NOPCHAP1: variants seen among roughly 807,000 people sequenced by gnomAD.
NOPCHAP1 encodes the protein DNA damage-sensitive RNA 1.
Under a neutral mutation model 14.0 loss-of-function variants are expected in NOPCHAP1, and 13 were observed. The ratio of observed to expected loss-of-function variants is 0.93; its 90% CI spans 0.60 to 1.47. NOPCHAP1 has a LOEUF of 1.47. NOPCHAP1 is among the 40% of genes most tolerant of loss of function. The probability of loss-of-function intolerance (pLI) is 0.00; values close to 1 mark genes in which losing one functional copy is unlikely to be tolerated. For synonymous variants in NOPCHAP1, 78 were observed against 78.4 expected, an observed-to-expected ratio of 1.00 and a Z score of 0.03; for missense variants, 230 against 226.9, an observed-to-expected ratio of 1.01 and a Z score of -0.09.
In NOPCHAP1 at chr12:104,991,764, G is replaced by T. The variant is rs373230527; in HGVS notation, c.255G>T (p.Lys85Asn). ...FLPQMARANE[K>N]LRKEMAAAPP... is the part of the protein sequence containing the mutation. ...CACAGATGGCACGGGCAAATGAAAA[G>T]CTAAGAAAAGAAATGGCAGCTGCAC... Residue 85 changes from lysine to asparagine, a missense_variant, in exon 3 of 4, where the codon AAG (lysine) becomes AAT (asparagine). Lys to Asn is a moderately conservative substitution (Grantham distance 94). Transcript: ENST00000552951. 1 of 1,613,816 alleles carries T rather than the reference G, an allele frequency of 6.2e-7. No individual in the cohort carries two copies. Among genetic ancestry groups the T allele is most frequent in the South Asian group, 1.1e-5 (1 of 91,024 alleles).
At position 104,997,495 on chromosome 12, in the gene NOPCHAP1, AAAAT is replaced by A. The variant is rs879485918; in HGVS notation, c.*2811_*2814del. On this transcript the variant is annotated 3_prime_UTR_variant, in exon 4 of 4. Transcript: ENST00000552951. ...CCCTAAAACTTAAAGTATAATAATA[AAAAT>A]AAATAAATAAAGAATGCTGAATATA... The A allele has an allele frequency of 1.3e-5, 2 of 152,240 alleles. No homozygotes were observed. Among genetic ancestry groups the A allele is most frequent in the Non-Finnish European group, 2.9e-5 (2 of 68,056 alleles). The allele number at this position is 152,240 out of a possible 1,614,324, so 9.4% of individuals were successfully genotyped here.
chr12:104,996,491 T>C lies in NOPCHAP1; in HGVS notation c.*1795T>C, dbSNP rs1479790925. ...ACCTGGTGATAAGCATAGTGCCCAA[T>C]AGGTAGTTTTAAATCTGCACCCTCC... is the stretch of plus-strand genomic sequence containing the variant. On this transcript the variant is annotated 3_prime_UTR_variant, in exon 4 of 4. Coordinates refer to ENST00000552951, the MANE Select transcript of NOPCHAP1 (RefSeq NM_152318.3). 6.6e-6 allele frequency: 1 copy of C among 151,948 alleles called. No homozygotes were observed. Among genetic ancestry groups the C allele is most frequent in the East Asian group, 1.9e-4 (1 of 5,188 alleles). The allele number at this position is 151,948 out of a possible 1,614,324, so 9.4% of individuals were successfully genotyped here. A position where few individuals can be genotyped will look rare whatever the true frequency, so the allele number is the denominator to read the frequency against.
chr12:104,992,594 G>T (rs979097458), intron 3 of NOPCHAP1, among the ~76,000 whole-genome samples: 8 of 152,134 alleles, frequency 5.3e-5, no homozygotes, highest in Non-Finnish European at 1.0e-4. Flanking sequence ...TATCTCAGAG[G>T]TTCCCAACCC....
chr12:104,991,902 G>C, intron 3 of NOPCHAP1, 54 bp downstream of exon 3: 1 of 1,530,370 alleles, frequency 6.5e-7, no homozygotes, highest in African/African-American at 1.4e-5. Flanking sequence ...TGTCACCTAA[G>C]AAGAAGAGAA....
chr12:104,986,453 G>T lies in NOPCHAP1; in HGVS notation c.101G>T (p.Ser34Ile). Residue 34 changes from serine to isoleucine, a missense_variant, in exon 1 of 4, where the codon AGC becomes ATC. Physicochemically the swap from Ser to Ile is moderately radical, Grantham distance 142. Coordinates refer to ENST00000552951, the MANE Select transcript of NOPCHAP1 (RefSeq NM_152318.3). ...PVSKELLTAG[S>I]DGRGGIWDRL... ...TCCAAGGAGCTGCTGACGGCGGGAA[G>T]CGACGGCCGCGGAGGTGACGGACGG... The T allele has an allele frequency of 6.2e-7, 1 of 1,603,732 alleles. No individual in the cohort carries two copies. The highest frequency in any genetic ancestry group is 1.3e-5 in the African/African-American group (1 of 74,754).
Position 104,988,258 on chromosome 12 carries a change from G to C in NOPCHAP1, c.202+5G>C, listed in dbSNP as rs2136024999. ...TTCGGATAGAGAGGAGTCCCTGTAAGTACCTCTTCCCCTCTCTCACCCTCT... is the reference window on the plus strand; with the variant it reads ...TTCGGATAGAGAGGAGTCCCTGTAACTACCTCTTCCCCTCTCTCACCCTCT... On this transcript the variant is annotated splice_donor_5th_base_variant and intron_variant, in intron 2 of 3. Transcript: ENST00000552951. 6.3e-7 allele frequency: 1 copy of C among 1,599,184 alleles called. No individual in the cohort carries two copies. Among genetic ancestry groups the C allele is most frequent in the Non-Finnish European group, 8.6e-7 (1 of 1,167,738 alleles).
In NOPCHAP1 at chr12:105,007,618, T is replaced by G. The variant is rs1873733160; in HGVS notation, c.*12922T>G. ...GTTTGCTGCCGCCATCAACTTGTCG[T>G]CTACATTAGGTATTCCTCCTAATAC... On this transcript the variant is annotated 3_prime_UTR_variant, in exon 4 of 4. Transcript: ENST00000552951. 6.6e-6 allele frequency: 1 copy of G among 152,184 alleles called. No individual in the cohort carries two copies. Among genetic ancestry groups the G allele is most frequent in the African/African-American group, 2.4e-5 (1 of 41,450 alleles). The allele number at this position is 152,184 out of a possible 1,614,324, so 9.4% of individuals were successfully genotyped here.
rs549921928 is a variant in NOPCHAP1, at chr12:104,991,779, G to T, written c.270G>T (p.Met90Ile). 9 of 1,613,660 alleles carry T rather than the reference G, an allele frequency of 5.6e-6. No individual in the cohort carries two copies. The highest frequency in any genetic ancestry group is 5.3e-5 in the African/African-American group (4 of 74,994). The change falls in exon 3 of 4, where the codon ATG (methionine) becomes ATT (isoleucine). Residue 90 changes from methionine to isoleucine, a missense_variant. Coordinates refer to ENST00000552951, the MANE Select transcript of NOPCHAP1 (RefSeq NM_152318.3). ...CAAATGAAAAGCTAAGAAAAGAAAT[G>T]GCAGCTGCACCACCTGGTCGTTTCA... ...ARANEKLRKE[M>I]AAAPPGRFNI...
In NOPCHAP1 at chr12:105,013,717, C is replaced by T. The variant is rs968200937; in HGVS notation, c.*19021C>T. On this transcript the variant is annotated 3_prime_UTR_variant, in exon 4 of 4. Transcript: ENST00000552951. The stretch of plus-strand genomic sequence containing the variant: ...CTCACGGCACAGTATCTCATGGCTT[C>T]CCTTGGCTAGGGGAGGGAGTTCCCT... 1.3e-5 allele frequency: 2 copies of T among 152,414 alleles called. No homozygotes were observed. The highest frequency in any genetic ancestry group is 2.9e-5 in the Non-Finnish European group (2 of 68,276). The allele number at this position is 152,414 out of a possible 1,614,324, so 9.4% of individuals were successfully genotyped here. A position where few individuals can be genotyped will look rare whatever the true frequency, so the allele number is the denominator to read the frequency against.
At position 105,012,208 on chromosome 12, in the gene NOPCHAP1, C is replaced by CT. The variant is rs1361139732; in HGVS notation, c.*17513dup. ...TCCTTTTCATTCTTTTTTCTCTAAT[C>CT]TGTCTTCACGCTTTATTTCATTAAG... On this transcript the variant is annotated 3_prime_UTR_variant, in exon 4 of 4. Transcript: ENST00000552951. The CT allele has an allele frequency of 6.6e-6, 1 of 152,242 alleles. No individual in the cohort carries two copies. Among genetic ancestry groups the CT allele is most frequent in the East Asian group, 1.9e-4 (1 of 5,184 alleles). The allele number at this position is 152,242 out of a possible 1,614,324, so 9.4% of individuals were successfully genotyped here.
At position 104,994,844 on chromosome 12, in the gene NOPCHAP1, C is replaced by A. The variant is rs1873465388; in HGVS notation, c.*148C>A. 2.8e-6 allele frequency: 2 copies of A among 705,184 alleles called. No homozygotes were observed. Among genetic ancestry groups the A allele is most frequent in the Non-Finnish European group, 4.7e-6 (2 of 421,466 alleles). 43.7% of individuals were successfully genotyped at this position (705,184 alleles called of 1,614,324 possible). A position where few individuals can be genotyped will look rare whatever the true frequency, so the allele number is the denominator to read the frequency against. Reference sequence around the variant, plus strand: ...AGACAAGTTAAATTTGACAGAGTTTCTTTGGGCAAAGAATGATTAATGAGT... The same window carrying A: ...AGACAAGTTAAATTTGACAGAGTTTATTTGGGCAAAGAATGATTAATGAGT... On this transcript the variant is annotated 3_prime_UTR_variant, in exon 4 of 4. Coordinates refer to ENST00000552951, the MANE Select transcript of NOPCHAP1 (RefSeq NM_152318.3).
At position 104,986,383 on chromosome 12, in the gene NOPCHAP1, C is replaced by T. The variant is rs777900503; in HGVS notation, c.31C>T (p.Pro11Ser). ...GGTCCATGGCAAGCCCAAGGCTAGC[C>T]CGAGTTGTTCGTCGCCCACCCGGGA... MEVHGKPKASPSCSSPTRDSS... is the reference protein window; with the variant it reads MEVHGKPKASSSCSSPTRDSS... Residue 11 changes from proline to serine, a missense_variant, in exon 1 of 4, where the codon CCG (proline) becomes TCG (serine). Physicochemically the swap from Pro to Ser is moderately conservative, Grantham distance 74. Coordinates refer to ENST00000552951, the MANE Select transcript of NOPCHAP1 (RefSeq NM_152318.3). The T allele has an allele frequency of 1.9e-6, 3 of 1,611,342 alleles. No homozygotes were observed. The highest frequency in any genetic ancestry group is 2.5e-6 in the Non-Finnish European group (3 of 1,179,010).
chr12:105,011,897 A>G lies in NOPCHAP1; in HGVS notation c.*17201A>G, dbSNP rs981975512. Reference sequence around the variant, plus strand: ...TGGGCTTCCCTTTTTGGGTAATTCAACCTTTCTCTCTGGCTGCCCTTAACA... The same window carrying G: ...TGGGCTTCCCTTTTTGGGTAATTCAGCCTTTCTCTCTGGCTGCCCTTAACA... On this transcript the variant is annotated 3_prime_UTR_variant, in exon 4 of 4. Transcript: ENST00000552951. The G allele has an allele frequency of 2.6e-5, 4 of 151,874 alleles. No homozygotes were observed. Among genetic ancestry groups the G allele is most frequent in the Non-Finnish European group, 5.9e-5 (4 of 67,954 alleles). 9.4% of individuals were successfully genotyped at this position (151,874 alleles called of 1,614,324 possible).
rs1464207908 is a variant in NOPCHAP1 at position 104,996,851 on chromosome 12, CTTCT to C, written c.*2158_*2161del. ...AAGCCCTTTATCATTATGTAATGCC[CTTCT>C]TTGTCTTTTTTTATTTTTGTAAAAG... is the stretch of plus-strand genomic sequence containing the variant. On this transcript the variant is annotated 3_prime_UTR_variant, in exon 4 of 4. Coordinates refer to ENST00000552951, the MANE Select transcript of NOPCHAP1 (RefSeq NM_152318.3). 3 of 152,074 alleles carry C rather than the reference CTTCT, an allele frequency of 2.0e-5. No individual in the cohort carries two copies. The highest frequency in any genetic ancestry group is 6.5e-5 in the Admixed American group (1 of 15,274). The allele number at this position is 152,074 out of a possible 1,614,324, so 9.4% of individuals were successfully genotyped here.
In NOPCHAP1 at chr12:104,994,906, T is replaced by C. The variant is rs1873466315; in HGVS notation, c.*210T>C. 1 of 531,318 alleles carries C rather than the reference T, an allele frequency of 1.9e-6. No homozygotes were observed. Among genetic ancestry groups the C allele is most frequent in the Non-Finnish European group, 3.3e-6 (1 of 299,896 alleles). The allele number at this position is 531,318 out of a possible 1,614,324, so 32.9% of individuals were successfully genotyped here. ...GTAAACTGAAAGGGGTTCAGAGACC[T>C]CCGCTCTACAGCAAGGAAAGTGTGC... is the stretch of plus-strand genomic sequence containing the variant. On this transcript the variant is annotated 3_prime_UTR_variant, in exon 4 of 4. Transcript: ENST00000552951.
rs1222074171 is a variant in NOPCHAP1 at position 105,012,700 on chromosome 12, A to C, written c.*18004A>C. 6.6e-6 allele frequency: 1 copy of C among 152,258 alleles called. No individual in the cohort carries two copies. The highest frequency in any genetic ancestry group is 1.9e-4 in the East Asian group (1 of 5,190). 9.4% of individuals were successfully genotyped at this position (152,258 alleles called of 1,614,324 possible). On this transcript the variant is annotated 3_prime_UTR_variant, in exon 4 of 4. Transcript: ENST00000552951. ...GTGGACGTCCTTTTTGTTGATGTAG[A>C]TGCTATTCCTTTCTGTTAGTTTTCC...
intron 2 of NOPCHAP1, among the ~76,000 whole-genome samples, chr12:104,991,281 A>G (rs745336056): frequency 2.0e-5 from 3 of 152,226 alleles, no homozygotes; most frequent in Non-Finnish European, 2.9e-5. Context: ...ATCAGAAGAA[A>G]GGGAACGTAT....
rs1307626313 is a variant in NOPCHAP1, at chr12:104,997,898, A to G, written c.*3202A>G. On this transcript the variant is annotated 3_prime_UTR_variant, in exon 4 of 4. Transcript: ENST00000552951. ...TTCTCGGAAGTTTTGTCCATTCTTT[A>G]TTGTTTTTTTTCTCCAATAAAGAAA... 6.6e-6 allele frequency: 1 copy of G among 151,944 alleles called. No homozygotes were observed. Among genetic ancestry groups the G allele is most frequent in the Admixed American group, 6.6e-5 (1 of 15,244 alleles). 9.4% of individuals were successfully genotyped at this position (151,944 alleles called of 1,614,324 possible). A position where few individuals can be genotyped will look rare whatever the true frequency, so the allele number is the denominator to read the frequency against.
intron 2 of NOPCHAP1, among the ~76,000 whole-genome samples, chr12:104,988,973 C>T (rs967648774): frequency 2.0e-5 from 3 of 151,506 alleles, no homozygotes; most frequent in African/African-American, 2.4e-5. Flanking sequence ...GGATTACATA[C>T]CTAGGAGTGG....
Sources: allele counts gnomAD v4.1 joint callset (sites outside exome capture counted in the v4.1 genomes callset), GRCh38; gene constraint gnomAD v4.1.1; transcripts MANE v1.5; gene names NCBI Gene and HGNC (gene_info 2026-07-23, HGNC 2026-07-21).